ERC2: variants seen among roughly 807,000 people sequenced by gnomAD.
The protein encoded by ERC2 is ELKS/RAB6-interacting/CAST family member 2, also known as ERC protein 2.
A neutral mutation model predicts 114.8 loss-of-function variants in ERC2; 42 were observed. The ratio of observed to expected loss-of-function variants is 0.37; its 90% CI spans 0.29 to 0.47. The LOEUF (loss-of-function observed/expected upper bound fraction) is 0.47, where lower values mean the gene tolerates loss of function less well. ERC2 is among the 20% of genes least tolerant of loss of function. ERC2 has a pLI of 0.99. For missense variants in ERC2, 939 were observed against 1,150.7 expected, an observed-to-expected ratio of 0.82 and a Z score of 2.66; for synonymous variants, 454 against 425.5, an observed-to-expected ratio of 1.07 and a Z score of -0.82.
chr3:55,736,759 G>A (rs1445949673), intron 14 of ERC2, among the ~76,000 whole-genome samples: 1 of 152,076 alleles, frequency 6.6e-6, no homozygotes, highest in Non-Finnish European at 1.5e-5. Flanking sequence ...AGAATGCTTT[G>A]CTTCCTGCTT....
chr3:55,550,189 C>A (rs2107408994), intron 17 of ERC2, among the ~76,000 whole-genome samples: 2 of 152,190 alleles, frequency 1.3e-5, no homozygotes, highest in Admixed American at 1.3e-4. Flanking sequence ...GCCTTTGCAC[C>A]ACCTGTTTCC....
At chr3:55,881,108 G>A (rs1345051776) in intron 14 of ERC2, among the ~76,000 whole-genome samples, 1 of 152,146 alleles carries the variant, frequency 6.6e-6, no homozygotes, top group Non-Finnish European at 1.5e-5. Context: ...AAAGAAATGT[G>A]ATTTGTCTTT....
At chr3:55,770,633 A>G (rs1229406203) in intron 14 of ERC2, among the ~76,000 whole-genome samples, 1 of 152,106 alleles carries the variant, frequency 6.6e-6, no homozygotes, top group Non-Finnish European at 1.5e-5. Flanking sequence ...ATTTTTTTAA[A>G]TTATACTTTA....
chr3:56,019,169 A>C, intron 7 of ERC2, 138 bp from the exon 8 acceptor site: 1 of 672,734 alleles, frequency 1.5e-6, no homozygotes, highest in Non-Finnish European at 2.5e-6. Flanking sequence ...GACTTAGACA[A>C]AAGGCCATTT....
At chr3:55,586,690 G>GA (rs773965409) in intron 17 of ERC2, among the ~76,000 whole-genome samples, 2 of 152,138 alleles carry the variant, frequency 1.3e-5, no homozygotes, top group East Asian at 3.9e-4. Context: ...CCGTAGGAAA[G>GA]AAAATGCAAA....
At chr3:55,549,021 G>A (rs2054960056) in intron 17 of ERC2, among the ~76,000 whole-genome samples, 2 of 152,160 alleles carry the variant, frequency 1.3e-5, no homozygotes, top group South Asian at 2.1e-4. Flanking sequence ...TGCTATGCAG[G>A]TCAAACAAAA....
rs1034421516 is a variant in ERC2 at position 56,074,324 on chromosome 3, G to A, written c.1641+6493C>T. ...AAGCCATTAGGTCTGTTACAAGAACGCATAACCTAAGGATGCAAATCATTT... is the reference window on the plus strand; with the variant it reads ...AAGCCATTAGGTCTGTTACAAGAACACATAACCTAAGGATGCAAATCATTT... On this transcript the variant is annotated intron_variant, in intron 7 of 17. Coordinates refer to ENST00000288221, the MANE Select transcript of ERC2 (RefSeq NM_015576.3). 2.6e-5 allele frequency among the ~76,000 whole-genome samples: 4 copies of A among 152,214 alleles called. 1 individual carries two copies.
At chr3:56,425,414 G>T (rs1428518636) in intron 2 of ERC2, among the ~76,000 whole-genome samples, 2 of 152,164 alleles carry the variant, frequency 1.3e-5, no homozygotes, top group African/African-American at 4.8e-5. Flanking sequence ...GACAGAGGCA[G>T]ACATTGAGAA....
intron 17 of ERC2, among the ~76,000 whole-genome samples, chr3:55,532,340 A>G (rs960800728): frequency 2.0e-5 from 3 of 152,170 alleles, no homozygotes; most frequent in African/African-American, 7.2e-5. Flanking sequence ...GACCGACACA[A>G]TATGATTGCT....
chr3:56,056,482 C>T (rs1560099713), intron 7 of ERC2, among the ~76,000 whole-genome samples: 1 of 152,184 alleles, frequency 6.6e-6, no homozygotes. Context: ...AAATGAACAA[C>T]ACTGACCAGG....
chr3:56,276,474 A>AAAAAAAAAAAAAAAAAAAAAAAAAC (rs1446116012), intron 3 of ERC2, among the ~76,000 whole-genome samples: 2 of 147,004 alleles, frequency 1.4e-5, no homozygotes, highest in Non-Finnish European at 3.0e-5. Flanking sequence ...AAAAAAAAAA[A>AAAAAAAAAAAAAAAAAAAAAAAAAC]AAACAAACTC....
intron 4 of ERC2, among the ~76,000 whole-genome samples, chr3:56,160,041 AG>A (rs1304083603): frequency 3.3e-5 from 5 of 152,288 alleles, no homozygotes; most frequent in African/African-American, 1.2e-4. Flanking sequence ...GTCAAATAGT[AG>A]TTATCTTTTA....
chr3:56,155,256 CA>C (rs1256754981), intron 4 of ERC2, among the ~76,000 whole-genome samples: 1 of 150,928 alleles, frequency 6.6e-6, no homozygotes, highest in East Asian at 1.9e-4. Context: ...ATGATTGATT[CA>C]GGGGTAAACT....
chr3:55,673,208 A>C (rs1224877184), intron 17 of ERC2, among the ~76,000 whole-genome samples: 1 of 152,180 alleles, frequency 6.6e-6, no homozygotes. Context: ...TGGGGGAAAC[A>C]CTGTTAGCCC....
chr3:55,827,785 G>C (rs1238886624), intron 14 of ERC2, among the ~76,000 whole-genome samples: 1 of 152,130 alleles, frequency 6.6e-6, no homozygotes, highest in Non-Finnish European at 1.5e-5. Flanking sequence ...CAAACGCTTG[G>C]ACTTAAGCCT....
rs35476022 is a variant in ERC2, at chr3:55,867,293, C to G, written c.2564+21096G>C. 4.6e-3 allele frequency among the ~76,000 whole-genome samples: 694 copies of G among 152,118 alleles called. 5 individuals are homozygous for G. Among genetic ancestry groups the G allele is most frequent in the African/African-American group, 0.016 (668 of 41,526 alleles). On this transcript the variant is annotated intron_variant, in intron 14 of 17. Coordinates refer to ENST00000288221, the MANE Select transcript of ERC2 (RefSeq NM_015576.3). The stretch of plus-strand genomic sequence containing the variant: ...TGATCATCTTGGCAGGACTTTCCCA[C>G]CCACCACACCCACCTCCCACACACA...
chr3:55,993,623 T>C (rs2071252057), intron 10 of ERC2, among the ~76,000 whole-genome samples: 2 of 151,924 alleles, frequency 1.3e-5, no homozygotes, highest in South Asian at 4.1e-4. Context: ...GGGGAAAAAG[T>C]TGCTTTCATG....
chr3:56,186,839 A>C (rs932073223), intron 3 of ERC2, among the ~76,000 whole-genome samples: 4 of 152,142 alleles, frequency 2.6e-5, no homozygotes, highest in Non-Finnish European at 4.4e-5. Flanking sequence ...GCACCCGGCC[A>C]GTCCTACTGT....
intron 6 of ERC2, among the ~76,000 whole-genome samples, chr3:56,132,880 ATAAACTTTT>A (rs1245907796): frequency 6.6e-6 from 1 of 152,218 alleles, no homozygotes; most frequent in East Asian, 1.9e-4. Flanking sequence ...ATATTATATG[ATAAACTTTT>A]CTTAATATAC....
Sources: allele counts gnomAD v4.1 joint callset (sites outside exome capture counted in the v4.1 genomes callset), GRCh38; gene constraint gnomAD v4.1.1; transcripts MANE v1.5; gene names NCBI Gene and HGNC (gene_info 2026-07-23, HGNC 2026-07-21).